The following CFAP57 variants were observed in gnomAD, a reference collection of about 807,000 sequenced individuals.
The protein encoded by CFAP57 is cilia and flagella associated protein 57.
A neutral mutation model predicts 146.8 loss-of-function variants in CFAP57; 116 were observed. The observed-to-expected ratio is 0.79, with a 90% CI of 0.68 to 0.92. The LOEUF is 0.92. CFAP57 is among the 40% of genes least tolerant of loss of function. The pLI is 0.00. For missense variants in CFAP57, 1,377 were observed against 1,527.2 expected, an observed-to-expected ratio of 0.90 and a Z score of 1.64; for synonymous variants, 518 against 552.8, an observed-to-expected ratio of 0.94 and a Z score of 0.88.
At chr1:43,204,420 T>C (rs897558930) in intron 9 of CFAP57, among the ~76,000 whole-genome samples, 28 of 150,556 alleles carry the variant, frequency 1.9e-4, no homozygotes, top group African/African-American at 6.4e-4. Context: ...GTTTGTTTGT[T>C]TATGTTTCAA....
intron 18 of CFAP57, chr1:43,231,926 C>A: frequency 2.2e-6 from 1 of 462,976 alleles, no homozygotes. Context: ...CTTGTGAAGA[C>A]AGGACACTTC....
At chr1:43,239,467 G>C (rs936717241) in intron 21 of CFAP57, among the ~76,000 whole-genome samples, 1 of 152,076 alleles carries the variant, frequency 6.6e-6, no homozygotes, top group East Asian at 1.9e-4. Context: ...GGGGTGGGGA[G>C]AAGCCAGGGC....
chr1:43,245,129 C>T lies in CFAP57; in HGVS notation c.3538+1770C>T, dbSNP rs1432183596. ...TTCAAGACTAGCCTGGGCAACATGGCGAAACCACATCTCTACAAAAAATAC... is the reference window on the plus strand; with the variant it reads ...TTCAAGACTAGCCTGGGCAACATGGTGAAACCACATCTCTACAAAAAATAC... On this transcript the variant is annotated intron_variant, in intron 22 of 22. Coordinates refer to ENST00000372492, the MANE Select transcript of CFAP57 (RefSeq NM_001378189.1). Among the ~76,000 whole-genome samples, 5 of 151,378 alleles carry T rather than the reference C, an allele frequency of 3.3e-5. No homozygotes were observed. The East Asian group carries it at 5.9e-4, about 18-fold the overall frequency.
intron 21 of CFAP57, among the ~76,000 whole-genome samples, chr1:43,239,618 G>A (rs757831893): frequency 1.2e-4 from 18 of 152,220 alleles, no homozygotes; most frequent in Non-Finnish European, 2.1e-4. Context: ...GGATGGAGAT[G>A]ACCAAAAAGA....
chr1:43,221,523 A>G, intron 14 of CFAP57, 58 bp downstream of exon 14: 1 of 1,195,654 alleles, frequency 8.4e-7, no homozygotes. Flanking sequence ...GTTATGGGGA[A>G]ACACTCAAGA....
At chr1:43,234,214 C>G in intron 19 of CFAP57, 65 bp from the exon 20 acceptor site, 1 of 1,449,116 alleles carries the variant, frequency 6.9e-7, no homozygotes, top group Non-Finnish European at 9.1e-7. Flanking sequence ...TAACCTCTGC[C>G]TGCAGCCCCC....
intron 2 of CFAP57, among the ~76,000 whole-genome samples, chr1:43,173,991 G>T (rs746682228): frequency 1.3e-5 from 2 of 152,148 alleles, no homozygotes. Flanking sequence ...GTTTTCGTTT[G>T]CATTTTGCTA....
chr1:43,217,874 C>G (rs923911945), intron 12 of CFAP57, among the ~76,000 whole-genome samples: 13 of 152,158 alleles, frequency 8.5e-5, no homozygotes, highest in African/African-American at 3.1e-4. Flanking sequence ...TCCAAACTTC[C>G]TAGCATGGTC....
chr1:43,217,001 A>G, intron 12 of CFAP57, among the ~76,000 whole-genome samples: 1 of 152,262 alleles, frequency 6.6e-6, no homozygotes, highest in East Asian at 1.9e-4. Flanking sequence ...CTGTGGGAGC[A>G]CAGGGGAAGG....
intron 6 of CFAP57, among the ~76,000 whole-genome samples, chr1:43,193,297 T>G (rs963627216): frequency 1.3e-5 from 2 of 152,222 alleles, no homozygotes; most frequent in Non-Finnish European, 2.9e-5. Flanking sequence ...TAATTTAATC[T>G]TTTTTTATCC....
At chr1:43,241,043 C>T (rs1348336488) in intron 21 of CFAP57, among the ~76,000 whole-genome samples, 2 of 152,210 alleles carry the variant, frequency 1.3e-5, no homozygotes, top group African/African-American at 4.8e-5. Flanking sequence ...ACCATGTTAG[C>T]CAGGATGGTC....
chr1:43,249,048 A>ATTTTTTTT (rs1229728481), intron 22 of CFAP57, among the ~76,000 whole-genome samples: 2 of 123,960 alleles, frequency 1.6e-5, no homozygotes, highest in Admixed American at 8.6e-5. Flanking sequence ...CTCCCAGCTA[A>ATTTTTTTT]TTTTTTTTTT....
At chr1:43,186,453 T>C (rs1021562006) in intron 5 of CFAP57, among the ~76,000 whole-genome samples, 8 of 151,346 alleles carry the variant, frequency 5.3e-5, no homozygotes, top group Admixed American at 2.0e-4. Flanking sequence ...CTACTAAAAA[T>C]ACAAAAAATT....
intron 18 of CFAP57, among the ~76,000 whole-genome samples, chr1:43,231,816 A>G (rs1200603653): frequency 6.6e-6 from 1 of 152,130 alleles, no homozygotes; most frequent in Non-Finnish European, 1.5e-5. Context: ...GCAGTGAGCC[A>G]AGATAGAGAT....
chr1:43,215,592 G>C (rs1006983530), intron 12 of CFAP57, among the ~76,000 whole-genome samples, 176 bp downstream of exon 12: 1 of 152,130 alleles, frequency 6.6e-6, no homozygotes, highest in Non-Finnish European at 1.5e-5. Context: ...CATTGCCACT[G>C]TCCACCCGAC....
chr1:43,224,873 T>G (rs946997293), intron 17 of CFAP57, among the ~76,000 whole-genome samples: 1 of 152,204 alleles, frequency 6.6e-6, no homozygotes, highest in Admixed American at 6.5e-5. Flanking sequence ...GAACTAGGTC[T>G]GGCACAGGTT....
intron 9 of CFAP57, among the ~76,000 whole-genome samples, chr1:43,203,393 A>G (rs1340840372): frequency 6.6e-6 from 1 of 152,164 alleles, no homozygotes. Context: ...TTGTGATACC[A>G]AAATCTGTCA....
chr1:43,175,376 T>G (rs1165701433), intron 2 of CFAP57, among the ~76,000 whole-genome samples: 1 of 152,064 alleles, frequency 6.6e-6, no homozygotes, highest in Non-Finnish European at 1.5e-5. Context: ...AGTTTTTATT[T>G]TCATTTTTTA....
At chr1:43,172,520 GA>G in intron 1 of CFAP57, 67 bp downstream of exon 1, 2 of 1,289,348 alleles carry the variant, frequency 1.6e-6, no homozygotes, top group Non-Finnish European at 1.0e-6. Context: ...GGAAAAGGCA[GA>G]AAAAGGAGCC....
Sources: gnomAD v4.1 joint callset for allele counts (sites outside exome capture counted in the v4.1 genomes callset) on GRCh38, gnomAD v4.1.1 for gene constraint, MANE v1.5 for transcripts, NCBI Gene and HGNC (gene_info 2026-07-23, HGNC 2026-07-21) for gene names.